Variants in KPNA5 observed in about 807,000 individuals in gnomAD.
KPNA5 encodes importin subunit alpha-6.
In KPNA5, 46 loss-of-function variants were observed where a neutral mutation model predicts 71.3. The observed-to-expected ratio is 0.65, with a 90% CI of 0.51 to 0.83. KPNA5 has a LOEUF of 0.83. KPNA5 is among the 40% of genes least tolerant of loss of function. The probability of loss-of-function intolerance (pLI) is 0.00; values close to 1 mark genes in which losing one functional copy is unlikely to be tolerated. For synonymous variants in KPNA5, 207 were observed against 201.4 expected (o/e 1.03, Z -0.24); for missense variants, 547 against 628.3 (o/e 0.87, Z 1.38).
chr6:116,730,528 T>C (rs992339312), intron 13 of KPNA5, among the ~76,000 whole-genome samples: 2 of 152,196 alleles, frequency 1.3e-5, no homozygotes, highest in African/African-American at 4.8e-5. Context: ...TTATTTCTTT[T>C]ATGGAATTAA....
intron 5 of KPNA5, among the ~76,000 whole-genome samples, chr6:116,701,375 T>A (rs1011906334): frequency 1.3e-5 from 2 of 152,188 alleles, no homozygotes; most frequent in Non-Finnish European, 2.9e-5. Flanking sequence ...ATGGTTGAAT[T>A]TTCTCAGTTG....
chr6:116,693,808 G>A (rs1351513819), intron 4 of KPNA5, among the ~76,000 whole-genome samples: 1 of 151,860 alleles, frequency 6.6e-6, no homozygotes, highest in Non-Finnish European at 1.5e-5. Flanking sequence ...TGAAGTCCTT[G>A]CCCATGCCTA....
chr6:116,729,738 T>C lies in KPNA5; in HGVS notation c.1429T>C (p.Tyr477His). The C allele has an allele frequency of 1.3e-6, 2 of 1,504,604 alleles. No individual in the cohort carries two copies. The highest frequency in any genetic ancestry group is 1.4e-5 in the African/African-American group (1 of 71,140). 93.2% of individuals were successfully genotyped at this position (1,504,604 alleles called of 1,614,324 possible). ...NPYCALIEEA[Y>H]GLDKIEFLQS... ...ATACTGTGCTCTCATTGAAGAAGCA[T>C]ATGGTAAGCAATCAGTTAAAAATTT... Residue 477 changes from tyrosine to histidine, a missense_variant, in exon 13 of 14, where the codon TAT (tyrosine) becomes CAT (histidine). Physicochemically the swap from Tyr to His is moderately conservative, Grantham distance 83. Coordinates refer to ENST00000368564, the MANE Select transcript of KPNA5 (RefSeq NM_001366306.2).
intron 4 of KPNA5, among the ~76,000 whole-genome samples, chr6:116,696,670 G>C (rs1390773972): frequency 6.6e-6 from 1 of 151,870 alleles, no homozygotes; most frequent in Admixed American, 6.6e-5. Context: ...TCTTTTGCCT[G>C]ACTCTTGCTT....
intron 1 of KPNA5, among the ~76,000 whole-genome samples, chr6:116,684,363 C>T (rs2114348562): frequency 6.6e-6 from 1 of 152,294 alleles, no homozygotes; most frequent in Non-Finnish European, 1.5e-5. Flanking sequence ...CTACCTTGAG[C>T]TCCACCAGTA....
chr6:116,705,073 CTGTT>C lies in KPNA5; in HGVS notation c.572_575del (p.Val191GlyfsTer18). 1 of 1,604,462 alleles carries C rather than the reference CTGTT, an allele frequency of 6.2e-7. No individual in the cohort carries two copies. The highest frequency in any genetic ancestry group is 8.5e-7 in the Non-Finnish European group (1 of 1,176,432). The stretch of plus-strand genomic sequence containing the variant: ...AAGATAATTTTTTTTTTTCCTAAGG[CTGTT>C]TGGGCACTTGGTAATATTGCTGGTG... On this transcript the variant is annotated frameshift_variant and splice_region_variant, in exon 7 of 14. Coordinates refer to ENST00000368564, the MANE Select transcript of KPNA5 (RefSeq NM_001366306.2). LOFTEE classifies it high-confidence loss of function.
chr6:116,701,906 TAA>T, intron 5 of KPNA5, 111 bp from the exon 6 acceptor site: 1 of 829,478 alleles, frequency 1.2e-6, no homozygotes, highest in South Asian at 2.1e-5. Context: ...AATCTTAATA[TAA>T]GTCAGTCTTT....
rs748639302 is a variant in KPNA5, at chr6:116,705,109, C to A, written c.605C>A (p.Ala202Glu). The change falls in exon 7 of 14, where the codon GCA becomes GAA. Residue 202 changes from alanine to glutamate, a missense_variant. Physicochemically the swap from Ala to Glu is moderately radical, Grantham distance 107. Coordinates refer to ENST00000368564, the MANE Select transcript of KPNA5 (RefSeq NM_001366306.2). ...WALGNIAGDN[A>E]ECRDFVLNCE... Reference sequence around the variant, plus strand: ...CTTGGTAATATTGCTGGTGACAATGCAGAATGCAGAGATTTTGTTTTGAAT... The same window carrying A: ...CTTGGTAATATTGCTGGTGACAATGAAGAATGCAGAGATTTTGTTTTGAAT... 1 of 1,612,434 alleles carries A rather than the reference C, an allele frequency of 6.2e-7. No homozygotes were observed. Among genetic ancestry groups the A allele is most frequent in the South Asian group, 1.1e-5 (1 of 90,940 alleles).
At chr6:116,697,652 A>G (rs1484744922) in intron 4 of KPNA5, among the ~76,000 whole-genome samples, 1 of 152,042 alleles carries the variant, frequency 6.6e-6, no homozygotes, top group East Asian at 1.9e-4. Context: ...ACACAGTCAA[A>G]TAGAGGAAGT....
At chr6:116,721,824 A>C (rs2114484250) in intron 8 of KPNA5, among the ~76,000 whole-genome samples, 1 of 152,298 alleles carries the variant, frequency 6.6e-6, no homozygotes, top group South Asian at 2.1e-4. Flanking sequence ...GGAACATTTG[A>C]ACTTCTCAGT....
In KPNA5 at chr6:116,722,218, C is replaced by G; in HGVS notation, c.849C>G (p.Ser283=). 3.7e-6 allele frequency: 6 copies of G among 1,613,096 alleles called. No homozygotes were observed. The highest frequency in any genetic ancestry group is 5.1e-6 in the Non-Finnish European group (6 of 1,179,424). Residue 283 remains serine, a synonymous_variant, in exon 9 of 14, where the codon TCC becomes TCG. Transcript: ENST00000368564. ...ADVCWALSYL[S]DGPNDKIQAV... ...TGTGTTGGGCCCTTTCTTATCTCTC[C>G]GATGGACCCAATGATAAAATTCAAG...
At chr6:116,685,570 G>C (rs893050138) in intron 1 of KPNA5, among the ~76,000 whole-genome samples, 1 of 152,128 alleles carries the variant, frequency 6.6e-6, no homozygotes, top group Non-Finnish European at 1.5e-5. Flanking sequence ...AGTTTGCTAA[G>C]GATAATGTCC....
intron 7 of KPNA5, among the ~76,000 whole-genome samples, chr6:116,712,496 A>G (rs1778737517): frequency 1.3e-5 from 2 of 152,228 alleles, no homozygotes; most frequent in African/African-American, 4.8e-5. Flanking sequence ...ATTTGTAGAC[A>G]GCATCGTAGA....
rs543383850 is a variant in KPNA5 at position 116,690,994 on chromosome 6, CT to C, written c.139-1060del. On this transcript the variant is annotated intron_variant, in intron 2 of 13. Coordinates refer to ENST00000368564, the MANE Select transcript of KPNA5 (RefSeq NM_001366306.2). The stretch of plus-strand genomic sequence containing the variant: ...CTATAATCCCAGCACTTTGGGAGGC[CT>C]AGGTGGGCGGGTCACCTGAGGTCAG... Among the ~76,000 whole-genome samples the C allele has an allele frequency of 7.9e-5, 12 of 152,252 alleles. No homozygotes were observed. In the South Asian group the frequency reaches 2.5e-3, roughly 32 times the overall value.
At chr6:116,723,352 T>C (rs750925815) in intron 9 of KPNA5, among the ~76,000 whole-genome samples, 8 of 152,122 alleles carry the variant, frequency 5.3e-5, no homozygotes, top group Non-Finnish European at 1.0e-4. Context: ...TTGAAGGGCA[T>C]GGGAACAGTA....
rs934659717 is a variant in KPNA5 at position 116,733,831 on chromosome 6, G to A, written c.*1508G>A. 11 of 151,580 alleles carry A rather than the reference G, an allele frequency of 7.3e-5. No individual in the cohort carries two copies. Among genetic ancestry groups the A allele is most frequent in the Non-Finnish European group, 1.6e-4 (11 of 67,712 alleles). The allele number at this position is 151,580 out of a possible 1,614,324, so 9.4% of individuals were successfully genotyped here. On this transcript the variant is annotated 3_prime_UTR_variant, in exon 14 of 14. Coordinates refer to ENST00000368564, the MANE Select transcript of KPNA5 (RefSeq NM_001366306.2). ...TTATGATAGTATTTGTAATGTTTCTGCTGGAAATCAGAGGCACGTTCCAAG... is the reference window on the plus strand; with the variant it reads ...TTATGATAGTATTTGTAATGTTTCTACTGGAAATCAGAGGCACGTTCCAAG...
chr6:116,702,100 C>T lies in KPNA5; in HGVS notation c.517C>T (p.Pro173Ser), dbSNP rs201921590. ...TKVVIETGAV[P>S]IFIKLLNSEH... The stretch of plus-strand genomic sequence containing the variant: ...GGTAGTGATTGAAACTGGGGCTGTT[C>T]CGATTTTTATCAAACTTCTTAATTC... The change falls in exon 6 of 14, where the codon CCG (proline) becomes TCG (serine). Residue 173 changes from proline to serine, a missense_variant. Transcript: ENST00000368564. 3.1e-6 allele frequency: 5 copies of T among 1,613,684 alleles called. No homozygotes were observed. The African/African-American group carries it at 6.7e-5, about 22-fold the overall frequency.
intron 1 of KPNA5, among the ~76,000 whole-genome samples, chr6:116,685,554 T>G (rs1485575710): frequency 6.6e-6 from 1 of 152,246 alleles, no homozygotes; most frequent in Non-Finnish European, 1.5e-5. Flanking sequence ...TTTCTTTTCC[T>G]GCATTAGTTT....
chr6:116,704,972 C>A, intron 6 of KPNA5, 100 bp from the exon 7 acceptor site: 1 of 669,764 alleles, frequency 1.5e-6, no homozygotes, highest in Non-Finnish European at 2.5e-6. Flanking sequence ...TTTAACATAT[C>A]AGAAACTGTT....
Sources: gnomAD v4.1 joint callset for allele counts (sites outside exome capture counted in the v4.1 genomes callset) on GRCh38, gnomAD v4.1.1 for gene constraint, MANE v1.5 for transcripts, NCBI Gene and HGNC (gene_info 2026-07-23, HGNC 2026-07-21) for gene names.